PLPPR1: variants seen among roughly 807,000 people sequenced by gnomAD.
PLPPR1 encodes the protein phospholipid phosphatase-related protein type 1.
A neutral mutation model predicts 33.1 loss-of-function variants in PLPPR1; 10 were observed. The observed-to-expected ratio is 0.30, with a 90% CI of 0.19 to 0.51. PLPPR1 has a LOEUF of 0.51. PLPPR1 is among the 20% of genes least tolerant of loss of function. The pLI is 0.97. For missense variants in PLPPR1, 304 were observed against 408.1 expected, an observed-to-expected ratio of 0.74 and a Z score of 2.20; for synonymous variants, 151 against 151.0, an observed-to-expected ratio of 1.00 and a Z score of 0.00.
chr9:101,305,785 GT>G (rs1442442813), intron 4 of PLPPR1, among the ~76,000 whole-genome samples: 1 of 152,042 alleles, frequency 6.6e-6, no homozygotes, highest in East Asian at 1.9e-4. Context: ...TACATTCTTG[GT>G]GGAGTCAAGT....
chr9:101,117,700 GA>G (rs1223301226), intron 1 of PLPPR1, among the ~76,000 whole-genome samples: 4 of 150,462 alleles, frequency 2.7e-5, no homozygotes. Context: ...TCACACATGT[GA>G]AAGAAAACCT....
At chr9:101,157,312 A>C (rs751524453) in intron 1 of PLPPR1, among the ~76,000 whole-genome samples, 1 of 152,222 alleles carries the variant, frequency 6.6e-6, no homozygotes, top group East Asian at 1.9e-4. Context: ...AGGCATATCA[A>C]GGTTTCACTA....
intron 1 of PLPPR1, among the ~76,000 whole-genome samples, chr9:101,073,578 C>T (rs977316998): frequency 6.6e-6 from 1 of 151,892 alleles, no homozygotes; most frequent in African/African-American, 2.4e-5. Flanking sequence ...GATTGTAGAA[C>T]AGTGGGTTTC....
At chr9:101,231,989 C>G (rs73501893) in intron 2 of PLPPR1, among the ~76,000 whole-genome samples, 8 of 152,180 alleles carry the variant, frequency 5.3e-5, no homozygotes, top group African/African-American at 1.9e-4. Flanking sequence ...ATTTTCAAAG[C>G]ATTACACTTT....
Position 101,178,221 on chromosome 9 carries a change from G to A in PLPPR1, c.-45-7229G>A, listed in dbSNP as rs781168789. ...GCCCATGGACAAAGTGGCCATGGTGGCAAGGATAGAGGTTACACGTGGGCT... is the reference window on the plus strand; with the variant it reads ...GCCCATGGACAAAGTGGCCATGGTGACAAGGATAGAGGTTACACGTGGGCT... On this transcript the variant is annotated intron_variant, in intron 1 of 7. Transcript: ENST00000374874. Among the ~76,000 whole-genome samples, 23 of 152,216 alleles carry A rather than the reference G, an allele frequency of 1.5e-4. 1 individual carries two copies. The highest frequency in any genetic ancestry group is 3.4e-4 in the Non-Finnish European group (23 of 68,044).
intron 2 of PLPPR1, among the ~76,000 whole-genome samples, chr9:101,206,822 G>A (rs1448507644): frequency 6.6e-6 from 1 of 152,032 alleles, no homozygotes; most frequent in Non-Finnish European, 1.5e-5. Context: ...GGACCAAGCT[G>A]CACCAGGGCC....
chr9:101,141,987 A>G (rs1284172156), intron 1 of PLPPR1, among the ~76,000 whole-genome samples: 1 of 152,156 alleles, frequency 6.6e-6, no homozygotes, highest in African/African-American at 2.4e-5. Context: ...TCTTGGGCCC[A>G]ATTGGTTCTC....
intron 7 of PLPPR1, among the ~76,000 whole-genome samples, chr9:101,318,837 C>T (rs1458049640): frequency 1.3e-5 from 2 of 151,856 alleles, no homozygotes; most frequent in African/African-American, 4.8e-5. Flanking sequence ...ATTACCTGCC[C>T]GAGGTTGTAT....
intron 6 of PLPPR1, 65 bp downstream of exon 6, chr9:101,313,039 G>C (rs1197294518): frequency 6.8e-7 from 1 of 1,473,262 alleles, no homozygotes. Flanking sequence ...TGTGAGTCAG[G>C]TTTCCCAGAC....
At chr9:101,259,474 T>G (rs12237965) in intron 2 of PLPPR1, among the ~76,000 whole-genome samples, 2 of 152,120 alleles carry the variant, frequency 1.3e-5, no homozygotes, top group African/African-American at 2.4e-5. Context: ...CCATATAGCT[T>G]GCTGTTTTGA....
chr9:101,157,645 A>G (rs1831713273), intron 1 of PLPPR1, among the ~76,000 whole-genome samples: 1 of 152,158 alleles, frequency 6.6e-6, no homozygotes, highest in South Asian at 2.1e-4. Context: ...GCAGCCTACA[A>G]AGAAATAATC....
chr9:101,259,918 T>C (rs1284950753), intron 2 of PLPPR1, among the ~76,000 whole-genome samples: 1 of 152,266 alleles, frequency 6.6e-6, no homozygotes. Context: ...GTTCTGTCTG[T>C]CCTTTGTCCA....
In PLPPR1 at chr9:101,159,962, A is replaced by T. The variant is rs563687971; in HGVS notation, c.-45-25488A>T. Among the ~76,000 whole-genome samples the T allele has an allele frequency of 5.3e-5, 8 of 152,266 alleles. No individual in the cohort carries two copies. The South Asian group carries it at 1.7e-3, about 32-fold the overall frequency. On this transcript the variant is annotated intron_variant, in intron 1 of 7. Coordinates refer to ENST00000374874, the MANE Select transcript of PLPPR1 (RefSeq NM_207299.2). ...GAGGATTTATTTTGCTTTTTGTGACATGATGGTGCTAGAACAAAATGTACT... is the reference window on the plus strand; with the variant it reads ...GAGGATTTATTTTGCTTTTTGTGACTTGATGGTGCTAGAACAAAATGTACT...
In PLPPR1 at chr9:101,279,588, C is replaced by T. The variant is rs924468531; in HGVS notation, c.253-6516C>T. On this transcript the variant is annotated intron_variant, in intron 3 of 7. Coordinates refer to ENST00000374874, the MANE Select transcript of PLPPR1 (RefSeq NM_207299.2). ...GTAATATCTTAGGACATTAAAAAGT[C>T]TTAAATTCAAAAAATAGTCATATCA... Among the ~76,000 whole-genome samples, 18 of 152,156 alleles carry T rather than the reference C, an allele frequency of 1.2e-4. No individual in the cohort carries two copies. In the East Asian group the frequency reaches 3.3e-3, roughly 28 times the overall value.
intron 2 of PLPPR1, among the ~76,000 whole-genome samples, chr9:101,206,383 G>C (rs1438338577): frequency 1.3e-5 from 2 of 152,142 alleles, no homozygotes; most frequent in Admixed American, 6.5e-5. Context: ...TATGCTGTAG[G>C]ACTATATCTG....
chr9:101,236,536 TCACACA>T (rs60508436), intron 2 of PLPPR1, among the ~76,000 whole-genome samples: 60 of 148,700 alleles, frequency 4.0e-4, no homozygotes, highest in Non-Finnish European at 5.9e-4. Context: ...CTCTCTAAAC[TCACACA>T]CACACACACA....
chr9:101,249,244 A>G (rs1827672631), intron 2 of PLPPR1, among the ~76,000 whole-genome samples: 1 of 152,060 alleles, frequency 6.6e-6, no homozygotes, highest in Non-Finnish European at 1.5e-5. Flanking sequence ...TCTTCTGGAG[A>G]AGATGCTTTG....
chr9:101,109,687 A>T (rs1234690510), intron 1 of PLPPR1, among the ~76,000 whole-genome samples: 1 of 152,186 alleles, frequency 6.6e-6, no homozygotes, highest in Admixed American at 6.5e-5. Flanking sequence ...CCATGGCAAG[A>T]TCTTATAATT....
intron 1 of PLPPR1, among the ~76,000 whole-genome samples, chr9:101,178,241 T>A (rs1381963828): frequency 6.6e-6 from 1 of 152,226 alleles, no homozygotes; most frequent in Non-Finnish European, 1.5e-5. Context: ...AGGTTACACG[T>A]GGGCTCAGCA....
Sources: allele counts gnomAD v4.1 joint callset (sites outside exome capture counted in the v4.1 genomes callset), GRCh38; gene constraint gnomAD v4.1.1; transcripts MANE v1.5; gene names NCBI Gene and HGNC (gene_info 2026-07-23, HGNC 2026-07-21).